BTBD9: variants seen among roughly 807,000 people sequenced by gnomAD.
BTBD9 encodes the protein BTB/POZ domain-containing protein 9.
A neutral mutation model predicts 64.3 loss-of-function variants in BTBD9; 49 were observed. The ratio of observed to expected loss-of-function variants is 0.76; its 90% CI spans 0.61 to 0.97. The LOEUF is 0.97. Ranked by LOEUF, BTBD9 falls within the 50% of genes least tolerant of loss-of-function variation. BTBD9 has a pLI of 0.00. For synonymous variants in BTBD9, 260 were observed against 274.7 expected (o/e 0.95, Z 0.53); for missense variants, 598 against 762.1 (o/e 0.78, Z 2.53).
intron 10 of BTBD9, among the ~76,000 whole-genome samples, chr6:38,187,219 G>A (rs546697876): frequency 2.6e-5 from 4 of 152,352 alleles, no homozygotes; most frequent in Admixed American, 2.6e-4. Flanking sequence ...ACAAGGCCCA[G>A]TTTATTTTAG....
rs75999032 is a variant in BTBD9 at position 38,558,614 on chromosome 6, T to G, written c.1154+18986A>C. On this transcript the variant is annotated intron_variant, in intron 6 of 10. Transcript: ENST00000481247. ...TTTTTATCATGAAGAGATGTTGGAT[T>G]TTACCAAAAGCTTTCTGTGCATCTA... is the stretch of plus-strand genomic sequence containing the variant. 7.8e-3 allele frequency among the ~76,000 whole-genome samples: 1,193 copies of G among 152,288 alleles called. 16 individuals are homozygous for G. Among genetic ancestry groups the G allele is most frequent in the African/African-American group, 0.027 (1,128 of 41,556 alleles).
chr6:38,468,549 G>A (rs777887985), intron 6 of BTBD9, among the ~76,000 whole-genome samples: 1 of 152,130 alleles, frequency 6.6e-6, no homozygotes, highest in East Asian at 1.9e-4. Context: ...AAATCCTAGA[G>A]CATTTGTACT....
intron 6 of BTBD9, among the ~76,000 whole-genome samples, chr6:38,351,743 C>T (rs1764523940): frequency 6.6e-6 from 1 of 151,886 alleles, no homozygotes; most frequent in South Asian, 2.1e-4. Flanking sequence ...TCGTGATCTG[C>T]CCGCCTCGGC....
At chr6:38,482,728 G>A (rs1392434812) in intron 6 of BTBD9, among the ~76,000 whole-genome samples, 1 of 152,064 alleles carries the variant, frequency 6.6e-6, no homozygotes, top group Non-Finnish European at 1.5e-5. Context: ...ATCTGTATCT[G>A]AGATAGATGG....
chr6:38,566,633 C>G (rs1417334127), intron 6 of BTBD9, among the ~76,000 whole-genome samples: 1 of 152,146 alleles, frequency 6.6e-6, no homozygotes, highest in Non-Finnish European at 1.5e-5. Flanking sequence ...TCGTTGACAG[C>G]TGGTTAGTGC....
At chr6:38,557,845 C>T (rs540826234) in intron 6 of BTBD9, among the ~76,000 whole-genome samples, 1 of 152,336 alleles carries the variant, frequency 6.6e-6, no homozygotes, top group South Asian at 2.1e-4. Context: ...TATAACACAA[C>T]CAACTGTGAA....
intron 6 of BTBD9, among the ~76,000 whole-genome samples, chr6:38,396,305 T>C (rs889115471): frequency 3.0e-4 from 46 of 152,284 alleles, no homozygotes; most frequent in African/African-American, 1.1e-3. Context: ...AAAAGCTTAG[T>C]TAGTGTACTG....
At chr6:38,254,884 C>T (rs967435274) in intron 9 of BTBD9, among the ~76,000 whole-genome samples, 3 of 152,062 alleles carry the variant, frequency 2.0e-5, no homozygotes, top group Non-Finnish European at 2.9e-5. Context: ...CAGAGTTATC[C>T]GATGACCCAG....
At chr6:38,576,907 A>C (rs1432490844) in intron 6 of BTBD9, among the ~76,000 whole-genome samples, 1 of 152,170 alleles carries the variant, frequency 6.6e-6, no homozygotes, top group East Asian at 1.9e-4. Flanking sequence ...GATGGATTAT[A>C]CCTAAAGGGA....
At chr6:38,559,264 C>G (rs754022950) in intron 6 of BTBD9, among the ~76,000 whole-genome samples, 10 of 151,992 alleles carry the variant, frequency 6.6e-5, no homozygotes, top group Non-Finnish European at 1.3e-4. Context: ...AGTGGCATTT[C>G]CATACTCTAA....
chr6:38,609,688 A>T lies in BTBD9; in HGVS notation c.-27-11567T>A, dbSNP rs568866686. On this transcript the variant is annotated intron_variant, in intron 1 of 10. Transcript: ENST00000481247. The stretch of plus-strand genomic sequence containing the variant: ...TCAAGACACTAATGAATAATTGATG[A>T]GCTTATGATTAGACTGCTATCCTCA... Among the ~76,000 whole-genome samples the T allele has an allele frequency of 1.1e-4, 17 of 152,350 alleles. No homozygotes were observed. In the South Asian group the frequency reaches 3.3e-3, roughly 30 times the overall value.
At chr6:38,484,306 G>A (rs955090040) in intron 6 of BTBD9, among the ~76,000 whole-genome samples, 2 of 152,144 alleles carry the variant, frequency 1.3e-5, no homozygotes, top group African/African-American at 4.8e-5. Context: ...GTCTAATGAG[G>A]ATTAAATAAA....
intron 7 of BTBD9, among the ~76,000 whole-genome samples, chr6:38,339,790 G>A (rs990379527): frequency 2.6e-5 from 4 of 152,136 alleles, no homozygotes; most frequent in African/African-American, 9.7e-5. Flanking sequence ...TCTTTTAAAG[G>A]CAATCCCTAA....
chr6:38,595,757 A>G (rs1777005669), intron 2 of BTBD9: 2 of 984,936 alleles, frequency 2.0e-6, no homozygotes, highest in Middle Eastern at 5.2e-4. Flanking sequence ...ATTCATGAAT[A>G]TTCTGAGCAT....
chr6:38,457,464 G>A (rs1293542497), intron 6 of BTBD9, among the ~76,000 whole-genome samples: 1 of 152,032 alleles, frequency 6.6e-6, no homozygotes, highest in African/African-American at 2.4e-5. Context: ...CCAAAGGACT[G>A]AAATGTGAAG....
chr6:38,549,418 CT>C (rs1422318930), intron 6 of BTBD9, among the ~76,000 whole-genome samples: 2 of 152,150 alleles, frequency 1.3e-5, no homozygotes, highest in Non-Finnish European at 2.9e-5. Context: ...ACTGAGAGCC[CT>C]GGTAACCTGC....
Position 38,449,513 on chromosome 6 carries a change from T to C in BTBD9, c.1155-104420A>G, listed in dbSNP as rs1562202736. On this transcript the variant is annotated intron_variant, in intron 6 of 10. Coordinates refer to ENST00000481247, the MANE Select transcript of BTBD9 (RefSeq NM_001099272.2). ...TGACAAAAGTGGCAAGAATATACAA[T>C]GGGGAAAGGGCAGTCTCTTAAAAAA... 1.3e-5 allele frequency among the ~76,000 whole-genome samples: 2 copies of C among 148,266 alleles called. 1 individual carries two copies. The highest frequency in any genetic ancestry group is 3.0e-5 in the Non-Finnish European group (2 of 65,856).
chr6:38,285,012 G>T (rs943162343), intron 8 of BTBD9, among the ~76,000 whole-genome samples: 2 of 152,242 alleles, frequency 1.3e-5, no homozygotes, highest in African/African-American at 4.8e-5. Flanking sequence ...GGGGAGGGGT[G>T]CACACGCAGG....
intron 1 of BTBD9, among the ~76,000 whole-genome samples, chr6:38,629,364 C>CTTAG (rs2127531182): frequency 6.6e-6 from 1 of 152,326 alleles, no homozygotes; most frequent in East Asian, 1.9e-4. Flanking sequence ...CAGAATCCAT[C>CTTAG]TTAACTAAGT....
Sources: gnomAD v4.1 joint callset for allele counts (sites outside exome capture counted in the v4.1 genomes callset) on GRCh38, gnomAD v4.1.1 for gene constraint, MANE v1.5 for transcripts, NCBI Gene and HGNC (gene_info 2026-07-23, HGNC 2026-07-21) for gene names.